C1orf21: variants seen among roughly 807,000 people sequenced by gnomAD.
C1orf21 encodes chromosome 1 open reading frame 21.
C1orf21 carries 3 observed loss-of-function variants against 18.7 expected under a neutral mutation model. The ratio of observed to expected loss-of-function variants is 0.16; its 90% CI spans 0.07 to 0.42. The LOEUF is 0.42. Ranked by LOEUF, C1orf21 falls within the 10% of genes least tolerant of loss-of-function variation. C1orf21 has a pLI of 0.99. For synonymous variants in C1orf21, 41 were observed against 46.4 expected, an observed-to-expected ratio of 0.88 and a Z score of 0.47; for missense variants, 104 against 143.6, an observed-to-expected ratio of 0.72 and a Z score of 1.41.
intron 2 of C1orf21, among the ~76,000 whole-genome samples, chr1:184,487,839 A>G (rs1413131362): frequency 6.6e-6 from 1 of 152,186 alleles, no homozygotes; most frequent in Non-Finnish European, 1.5e-5. Flanking sequence ...GAATAAAACT[A>G]GTACTTGCCT....
chr1:184,464,109 A>G (rs1571370422), intron 1 of C1orf21, among the ~76,000 whole-genome samples: 1 of 152,230 alleles, frequency 6.6e-6, no homozygotes, highest in Non-Finnish European at 1.5e-5. Flanking sequence ...ATATGGATGG[A>G]AAGCCTTGAA....
chr1:184,580,984 G>A (rs1436901939), intron 3 of C1orf21, among the ~76,000 whole-genome samples: 3 of 152,060 alleles, frequency 2.0e-5, no homozygotes, highest in African/African-American at 4.8e-5. Context: ...AAGTAAGTAG[G>A]AACATCTAAC....
chr1:184,496,155 GCCAGGTCTAC>G (rs1317486333), intron 2 of C1orf21, among the ~76,000 whole-genome samples: 8 of 152,082 alleles, frequency 5.3e-5, no homozygotes, highest in Admixed American at 5.2e-4. Flanking sequence ...GTAAGCCAAG[GCCAGGTCTAC>G]CCATAGAGCA....
chr1:184,570,170 T>C (rs1242071788), intron 3 of C1orf21, among the ~76,000 whole-genome samples: 1 of 152,154 alleles, frequency 6.6e-6, no homozygotes, highest in Admixed American at 6.5e-5. Context: ...ACAACTTTTT[T>C]ATTTTTTTAT....
At chr1:184,517,749 A>G (rs989063168) in intron 3 of C1orf21, among the ~76,000 whole-genome samples, 3 of 152,180 alleles carry the variant, frequency 2.0e-5, no homozygotes, top group Admixed American at 1.3e-4. Flanking sequence ...GAAGATAGAT[A>G]GTGATTCTAG....
In C1orf21 at chr1:184,625,960, T is replaced by A. The variant is rs1279812898; in HGVS notation, c.*6404T>A. Reference sequence around the variant, plus strand: ...CATGTGTCACACACTGTCCCCCTCATCCATGTGGACTTGACTGGCATTTCA... The same window carrying A: ...CATGTGTCACACACTGTCCCCCTCAACCATGTGGACTTGACTGGCATTTCA... On this transcript the variant is annotated 3_prime_UTR_variant, in exon 6 of 6. Coordinates refer to ENST00000235307, the MANE Select transcript of C1orf21 (RefSeq NM_030806.4). 6.6e-6 allele frequency: 1 copy of A among 152,204 alleles called. No homozygotes were observed. The highest frequency in any genetic ancestry group is 1.5e-5 in the Non-Finnish European group (1 of 68,066). 9.4% of individuals were successfully genotyped at this position (152,204 alleles called of 1,614,324 possible). A position where few individuals can be genotyped will look rare whatever the true frequency, so the allele number is the denominator to read the frequency against.
chr1:184,502,510 T>G (rs1292487937), intron 2 of C1orf21, among the ~76,000 whole-genome samples: 6 of 152,146 alleles, frequency 3.9e-5, no homozygotes, highest in Admixed American at 3.3e-4. Context: ...TCTTTTTTTT[T>G]TCGTTTGCTT....
intron 1 of C1orf21, among the ~76,000 whole-genome samples, chr1:184,396,912 C>T (rs1270306895): frequency 6.6e-6 from 1 of 152,168 alleles, no homozygotes; most frequent in Non-Finnish European, 1.5e-5. Context: ...ACACCTGCCG[C>T]ACACTAGGGG....
At chr1:184,568,435 T>C (rs532301615) in intron 3 of C1orf21, 2 of 470,724 alleles carry the variant, frequency 4.2e-6, no homozygotes, top group South Asian at 3.1e-5. Context: ...TCTCCATGAA[T>C]TTGACTACTC....
intron 5 of C1orf21, among the ~76,000 whole-genome samples, chr1:184,611,196 CA>C (rs1442423916): frequency 3.3e-5 from 5 of 152,270 alleles, no homozygotes; most frequent in Non-Finnish European, 7.4e-5. Context: ...TGAAGTAATC[CA>C]GGGGAGGAGA....
chr1:184,533,526 G>C (rs1658501546), intron 3 of C1orf21, among the ~76,000 whole-genome samples: 2 of 152,162 alleles, frequency 1.3e-5, no homozygotes, highest in African/African-American at 4.8e-5. Flanking sequence ...ACTTAGGCAG[G>C]TTGGATGCTA....
At chr1:184,393,122 C>T (rs1655999080) in intron 1 of C1orf21, among the ~76,000 whole-genome samples, 2 of 152,176 alleles carry the variant, frequency 1.3e-5, no homozygotes, top group Admixed American at 1.3e-4. Flanking sequence ...CTGTGTCAGG[C>T]TCCCTTCTGC....
At chr1:184,576,474 C>T (rs1571285095) in intron 3 of C1orf21, among the ~76,000 whole-genome samples, 1 of 152,190 alleles carries the variant, frequency 6.6e-6, no homozygotes, top group Non-Finnish European at 1.5e-5. Context: ...ACAGACAGTT[C>T]TCAGAACCTT....
chr1:184,582,825 T>C (rs971085526), intron 3 of C1orf21, among the ~76,000 whole-genome samples: 8 of 152,076 alleles, frequency 5.3e-5, no homozygotes, highest in African/African-American at 9.7e-5. Flanking sequence ...GGGAATGTTT[T>C]TTTGTTTGTT....
chr1:184,411,706 G>T (rs957100422), intron 1 of C1orf21, among the ~76,000 whole-genome samples: 1 of 152,190 alleles, frequency 6.6e-6, no homozygotes, highest in Non-Finnish European at 1.5e-5. Context: ...GCAGGCGTGA[G>T]CCACCGCGCC....
intron 1 of C1orf21, among the ~76,000 whole-genome samples, chr1:184,411,491 G>A (rs895764258): frequency 2.1e-5 from 3 of 143,344 alleles, no homozygotes; most frequent in African/African-American, 7.8e-5. Flanking sequence ...GTGCAATCTC[G>A]GCTCACTGCA....
At chr1:184,487,108 G>T (rs1210523264) in intron 2 of C1orf21, among the ~76,000 whole-genome samples, 1 of 151,824 alleles carries the variant, frequency 6.6e-6, no homozygotes, top group East Asian at 1.9e-4. Context: ...TTTACCTATT[G>T]CACTTCCCCT....
chr1:184,471,831 A>C (rs1657500659), intron 1 of C1orf21, among the ~76,000 whole-genome samples: 1 of 152,186 alleles, frequency 6.6e-6, no homozygotes, highest in African/African-American at 2.4e-5. Flanking sequence ...GTCGATTGTC[A>C]TGCCATCAGA....
At chr1:184,468,750 C>T (rs1657445893) in intron 1 of C1orf21, among the ~76,000 whole-genome samples, 1 of 151,814 alleles carries the variant, frequency 6.6e-6, no homozygotes. Flanking sequence ...GAAACACCGT[C>T]TCTACTGAAA....
Sources: allele counts gnomAD v4.1 joint callset (sites outside exome capture counted in the v4.1 genomes callset), GRCh38; gene constraint gnomAD v4.1.1; transcripts MANE v1.5; gene names NCBI Gene and HGNC (gene_info 2026-07-23, HGNC 2026-07-21).